The following TLN2 variants were observed in gnomAD, a reference collection of about 807,000 sequenced individuals.
TLN2 encodes talin 2, also known as talin-2.
Under a neutral mutation model 294.7 loss-of-function variants are expected in TLN2, and 118 were observed. The observed-to-expected ratio is 0.40, with a 90% CI of 0.34 to 0.47. TLN2 has a LOEUF of 0.47. Ranked by LOEUF, TLN2 falls within the 20% of genes least tolerant of loss-of-function variation. The probability of loss-of-function intolerance (pLI) is 0.84; values close to 1 mark genes in which losing one functional copy is unlikely to be tolerated. For missense variants in TLN2, 3,083 were observed against 3,282.2 expected, an observed-to-expected ratio of 0.94 and a Z score of 1.48; for synonymous variants, 1,431 against 1,304.5, an observed-to-expected ratio of 1.10 and a Z score of -2.09.
intron 1 of TLN2, among the ~76,000 whole-genome samples, chr15:62,408,155 T>C (rs1006848925): frequency 3.9e-5 from 6 of 151,914 alleles, no homozygotes; most frequent in Non-Finnish European, 8.8e-5. Context: ...ATGTACCTTG[T>C]ACCACAGTGG....
In TLN2 at chr15:62,507,988, GT is replaced by G. The variant is rs200459386; in HGVS notation, c.-237-81690del. 3.3e-5 allele frequency among the ~76,000 whole-genome samples: 5 copies of G among 151,358 alleles called. No homozygotes were observed. The East Asian group carries it at 5.8e-4, about 18-fold the overall frequency. ...TTGTTATCATTGGTGAAATTTCAAG[GT>G]TTTTTTTTGTTTATGGGTTTTTGGG... On this transcript the variant is annotated intron_variant, in intron 1 of 58. Transcript: ENST00000636159.
intron 1 of TLN2, among the ~76,000 whole-genome samples, chr15:62,557,925 C>G (rs1054154582): frequency 2.0e-5 from 3 of 152,164 alleles, no homozygotes; most frequent in African/African-American, 7.2e-5. Flanking sequence ...AAAGGTTTTG[C>G]GCCAGTGGTT....
At chr15:62,533,201 C>T (rs1005912574) in intron 1 of TLN2, among the ~76,000 whole-genome samples, 9 of 141,896 alleles carry the variant, frequency 6.3e-5, no homozygotes, top group Non-Finnish European at 1.3e-4. Flanking sequence ...TTACAGTGAG[C>T]CGAGATTGTA....
intron 51 of TLN2, among the ~76,000 whole-genome samples, chr15:62,808,580 G>A (rs1391165514): frequency 5.9e-5 from 9 of 152,148 alleles, no homozygotes; most frequent in South Asian, 2.1e-4. Flanking sequence ...AGCAGTGCAC[G>A]CAAGCACCTC....
chr15:62,565,766 A>C (rs2043340870), intron 1 of TLN2, among the ~76,000 whole-genome samples: 1 of 152,238 alleles, frequency 6.6e-6, no homozygotes, highest in Admixed American at 6.5e-5. Context: ...AGTGTTAGTC[A>C]GCTTTCAAAT....
At chr15:62,545,351 A>G (rs2041932326) in intron 1 of TLN2, among the ~76,000 whole-genome samples, 1 of 152,194 alleles carries the variant, frequency 6.6e-6, no homozygotes, top group Admixed American at 6.5e-5. Context: ...CACTGAAACA[A>G]CACAAAAAGT....
intron 1 of TLN2, among the ~76,000 whole-genome samples, chr15:62,531,209 A>G (rs752750826): frequency 1.3e-5 from 2 of 152,258 alleles, no homozygotes; most frequent in Non-Finnish European, 2.9e-5. Flanking sequence ...TAAAGAAAAT[A>G]TGGTGTATAT....
intron 35 of TLN2, among the ~76,000 whole-genome samples, chr15:62,752,659 C>T (rs2062001326): frequency 6.6e-6 from 1 of 152,162 alleles, no homozygotes; most frequent in South Asian, 2.1e-4. Context: ...ACAGACCCAG[C>T]ATATAGGTTC....
At chr15:62,628,915 T>C (rs2140881007) in intron 3 of TLN2, among the ~76,000 whole-genome samples, 1 of 152,322 alleles carries the variant, frequency 6.6e-6, no homozygotes, top group African/African-American at 2.4e-5. Context: ...GGGCACAGTG[T>C]CTCTCACCTG....
At chr15:62,737,844 C>G (rs562603953) in intron 29 of TLN2, among the ~76,000 whole-genome samples, 1 of 152,260 alleles carries the variant, frequency 6.6e-6, no homozygotes. Context: ...GCAGGGCTCC[C>G]AAGAAGGGAG....
chr15:62,451,958 G>T (rs1035453303), intron 1 of TLN2, among the ~76,000 whole-genome samples: 16 of 151,688 alleles, frequency 1.1e-4, no homozygotes, highest in African/African-American at 3.9e-4. Flanking sequence ...AGTCAAAAGG[G>T]GTGTGTGTGT....
intron 29 of TLN2, among the ~76,000 whole-genome samples, chr15:62,737,295 C>T (rs1400736092): frequency 6.6e-6 from 1 of 152,212 alleles, no homozygotes; most frequent in Non-Finnish European, 1.5e-5. Context: ...GTGTGATCTG[C>T]TTAATTCACA....
chr15:62,653,385 C>T (rs1405263457), intron 7 of TLN2, 71 bp downstream of exon 7: 1 of 1,520,518 alleles, frequency 6.6e-7, no homozygotes, highest in Non-Finnish European at 8.8e-7. Context: ...TCCCACCATC[C>T]ATATGACCCA....
chr15:62,542,106 G>T (rs112687380), intron 1 of TLN2, among the ~76,000 whole-genome samples: 9 of 152,220 alleles, frequency 5.9e-5, no homozygotes, highest in African/African-American at 2.2e-4. Context: ...TCCTTTTGAA[G>T]TAAGTGTTAT....
chr15:62,626,650 A>C (rs1331291599), intron 3 of TLN2, among the ~76,000 whole-genome samples: 1 of 152,146 alleles, frequency 6.6e-6, no homozygotes, highest in African/African-American at 2.4e-5. Context: ...CTAGAAGGCC[A>C]CTCTGACATC....
chr15:62,601,373 G>A (rs576753944), intron 2 of TLN2, among the ~76,000 whole-genome samples: 8 of 152,222 alleles, frequency 5.3e-5, no homozygotes, highest in Middle Eastern at 3.4e-3. Flanking sequence ...GGATTTTGGT[G>A]GTCGGTTTCC....
chr15:62,575,193 G>T (rs1405673639), intron 1 of TLN2, among the ~76,000 whole-genome samples: 7 of 152,022 alleles, frequency 4.6e-5, no homozygotes, highest in Non-Finnish European at 8.8e-5. Flanking sequence ...TGTGCCAGTA[G>T]TCCCAGCTAC....
At chr15:62,692,769 C>A (rs2141067627) in intron 12 of TLN2, 71 bp from the exon 13 acceptor site, 2 of 1,176,610 alleles carry the variant, frequency 1.7e-6, no homozygotes, top group Non-Finnish European at 2.5e-6. Context: ...TGTTCTAGAG[C>A]TGGACCTGCT....
chr15:62,519,224 A>G (rs1381949688), intron 1 of TLN2, among the ~76,000 whole-genome samples: 2 of 152,170 alleles, frequency 1.3e-5, no homozygotes, highest in African/African-American at 2.4e-5. Context: ...TGCTTTTTAT[A>G]TAAAAGGTAG....
Sources: gnomAD v4.1 joint callset for allele counts (sites outside exome capture counted in the v4.1 genomes callset) on GRCh38, gnomAD v4.1.1 for gene constraint, MANE v1.5 for transcripts, NCBI Gene and HGNC (gene_info 2026-07-23, HGNC 2026-07-21) for gene names.